Variants in MYO16 observed in about 807,000 individuals in gnomAD.
MYO16 encodes myosin XVI.
MYO16 carries 94 observed loss-of-function variants against 205.3 expected under a neutral mutation model. That is an observed-to-expected ratio of 0.46 (90% confidence interval 0.39 to 0.54). The LOEUF (loss-of-function observed/expected upper bound fraction) is 0.54, where lower values mean the gene tolerates loss of function less well. Ranked by LOEUF, MYO16 falls within the 20% of genes least tolerant of loss-of-function variation. The pLI is 0.00. For synonymous variants in MYO16, 988 were observed against 954.0 expected, an observed-to-expected ratio of 1.04 and a Z score of -0.66; for missense variants, 2,315 against 2,387.5, an observed-to-expected ratio of 0.97 and a Z score of 0.63.
At chr13:108,632,078 C>CAA (rs59971095) in intron 1 of MYO16, among the ~76,000 whole-genome samples, 15,082 of 66,920 alleles carry the variant, frequency 0.23, 1,353 homozygotes, top group Non-Finnish European at 0.31. Flanking sequence ...AACCCCAACT[C>CAA]AAAAAAAAAA....
intron 32 of MYO16, among the ~76,000 whole-genome samples, chr13:109,161,158 G>A (rs1006526030): frequency 5.3e-5 from 8 of 152,218 alleles, no homozygotes; most frequent in Admixed American, 2.6e-4. Context: ...CCAAAGTGGG[G>A]ATGTCGATAC....
chr13:108,875,992 TAG>T (rs3042019), intron 12 of MYO16, among the ~76,000 whole-genome samples: 16,174 of 152,154 alleles, frequency 0.11, 869 homozygotes, highest in Middle Eastern at 0.13. Context: ...ATTTACAAAA[TAG>T]AGAGTTGAAA....
At chr13:108,639,946 A>T (rs571463036) in intron 1 of MYO16, among the ~76,000 whole-genome samples, 2 of 152,348 alleles carry the variant, frequency 1.3e-5, no homozygotes, top group Admixed American at 1.3e-4. Flanking sequence ...GTATGGTGTT[A>T]CTAAGTTTCA....
At chr13:108,883,965 C>T (rs1879736089) in intron 13 of MYO16, among the ~76,000 whole-genome samples, 1 of 152,150 alleles carries the variant, frequency 6.6e-6, no homozygotes, top group African/African-American at 2.4e-5. Context: ...CTAGATTTAA[C>T]TCACCAATTA....
intron 28 of MYO16, among the ~76,000 whole-genome samples, chr13:109,106,656 A>G (rs1889129755): frequency 6.6e-6 from 1 of 152,222 alleles, no homozygotes; most frequent in African/African-American, 2.4e-5. Context: ...TGACGAATGA[A>G]GAAACAAATC....
Position 108,820,527 on chromosome 13 carries a change from G to A in MYO16, c.943+115G>A. ...AGTGAGAGCTGGACATGCCTGTGAA[G>A]CTGTGTAACAACCAGCCCAGTTCAA... is the stretch of plus-strand genomic sequence containing the variant. On this transcript the variant is annotated intron_variant, in intron 8 of 34. Coordinates refer to ENST00000457511, the MANE Select transcript of MYO16 (RefSeq NM_001198950.3). The A allele has an allele frequency of 2.3e-6, 2 of 853,458 alleles. 1 individual carries two copies. 52.9% of individuals were successfully genotyped at this position (853,458 alleles called of 1,614,324 possible). A position where few individuals can be genotyped will look rare whatever the true frequency, so the allele number is the denominator to read the frequency against.
intron 22 of MYO16, among the ~76,000 whole-genome samples, chr13:109,012,210 C>T (rs910198543): frequency 2.6e-5 from 4 of 152,164 alleles, no homozygotes; most frequent in Non-Finnish European, 4.4e-5. Flanking sequence ...CAATAGTCGT[C>T]TAAACCAGGG....
At chr13:108,813,110 G>C (rs767115081) in intron 7 of MYO16, among the ~76,000 whole-genome samples, 1 of 152,086 alleles carries the variant, frequency 6.6e-6, no homozygotes, top group Non-Finnish European at 1.5e-5. Context: ...TGAGATTTGC[G>C]AATGGAAATA....
chr13:108,925,484 A>G (rs1881956584), intron 16 of MYO16, among the ~76,000 whole-genome samples: 1 of 151,370 alleles, frequency 6.6e-6, no homozygotes, highest in Non-Finnish European at 1.5e-5. Flanking sequence ...CAAGTAATTA[A>G]ATAGTGGTAG....
At chr13:108,704,963 G>A (rs540024024) in intron 2 of MYO16, among the ~76,000 whole-genome samples, 1 of 150,204 alleles carries the variant, frequency 6.7e-6, no homozygotes, top group African/African-American at 2.4e-5. Context: ...AAAAAAACCT[G>A]ACCAAACCAA....
intron 10 of MYO16, among the ~76,000 whole-genome samples, chr13:108,853,786 T>C (rs933893971): frequency 5.3e-5 from 8 of 151,940 alleles, no homozygotes; most frequent in African/African-American, 1.9e-4. Flanking sequence ...TTTTACAAAT[T>C]AGTTTTTAAT....
chr13:109,061,272 A>C (rs1237903684), intron 27 of MYO16, among the ~76,000 whole-genome samples: 1 of 152,186 alleles, frequency 6.6e-6, no homozygotes, highest in Non-Finnish European at 1.5e-5. Context: ...GTGTGCCCAC[A>C]AGAATAGCAC....
At chr13:108,502,915 CA>C in the MYO16 span, among the ~76,000 whole-genome samples, 8 of 152,090 alleles carry the variant, frequency 5.3e-5, no homozygotes, top group Non-Finnish European at 1.2e-4. Context: ...AAGAGCAAGA[CA>C]AATGAAATTC....
At chr13:109,139,584 C>T (rs949407139) in intron 31 of MYO16, among the ~76,000 whole-genome samples, 5 of 152,166 alleles carry the variant, frequency 3.3e-5, no homozygotes, top group Non-Finnish European at 5.9e-5. Flanking sequence ...TTTATTCGGC[C>T]GGGAGCTTCT....
At chr13:108,936,612 TTTATC>T (rs1440658154) in intron 16 of MYO16, among the ~76,000 whole-genome samples, 9 of 152,138 alleles carry the variant, frequency 5.9e-5, no homozygotes, top group African/African-American at 2.2e-4. Context: ...TAAAATATAT[TTTATC>T]TAATATAAGA....
At chr13:108,670,422 T>A (rs902744429) in intron 2 of MYO16, among the ~76,000 whole-genome samples, 1 of 152,140 alleles carries the variant, frequency 6.6e-6, no homozygotes, top group African/African-American at 2.4e-5. Flanking sequence ...GAACTTCTGA[T>A]CTAGAGAATG....
chr13:108,745,463 G>A (rs1021559456), intron 4 of MYO16, among the ~76,000 whole-genome samples: 1 of 152,152 alleles, frequency 6.6e-6, no homozygotes, highest in East Asian at 1.9e-4. Context: ...TTGCAGAGAA[G>A]TACCTGGAAG....
At chr13:108,742,174 A>C (rs1056779256) in intron 4 of MYO16, among the ~76,000 whole-genome samples, 2 of 152,026 alleles carry the variant, frequency 1.3e-5, no homozygotes, top group African/African-American at 4.8e-5. Flanking sequence ...TTGTATTTTT[A>C]GTAGAGACGG....
intron 27 of MYO16, among the ~76,000 whole-genome samples, chr13:109,066,900 G>T (rs1159750211): frequency 1.3e-5 from 2 of 152,134 alleles, no homozygotes; most frequent in African/African-American, 4.8e-5. Context: ...GATTTGAAAG[G>T]CAACTTGGCT....
Sources: allele counts gnomAD v4.1 joint callset (sites outside exome capture counted in the v4.1 genomes callset), GRCh38; gene constraint gnomAD v4.1.1; transcripts MANE v1.5; gene names NCBI Gene and HGNC (gene_info 2026-07-23, HGNC 2026-07-21).